The following CLN6 variants were observed in gnomAD, a reference collection of about 807,000 sequenced individuals.
The protein encoded by CLN6 is ceroid-lipofuscinosis neuronal protein 6.
In CLN6, 22 loss-of-function variants were observed where a neutral mutation model predicts 33.3. The observed-to-expected ratio is 0.66, with a 90% confidence interval of 0.47 to 0.94. CLN6 has a LOEUF of 0.94. Ranked by LOEUF, CLN6 falls within the 40% of genes least tolerant of loss-of-function variation. CLN6 has a pLI of 0.00. For synonymous variants in CLN6, 201 were observed against 174.6 expected (o/e 1.15, Z -1.19); for missense variants, 387 against 417.1 (o/e 0.93, Z 0.63).
chr15:68,244,478 T>C (rs1293246789), intron 1 of CLN6, among the ~76,000 whole-genome samples: 4 of 151,796 alleles, frequency 2.6e-5, no homozygotes, highest in African/African-American at 9.7e-5. Flanking sequence ...CCTTTAAATA[T>C]GAAGGAAAGA....
At chr15:68,218,409 C>A in intron 2 of CLN6, 127 bp downstream of exon 2, 1 of 755,770 alleles carries the variant, frequency 1.3e-6, no homozygotes, top group Non-Finnish European at 2.4e-6. Context: ...TGAAGGCATC[C>A]AGGCCTATTC....
chr15:68,243,955 C>T (rs1393844166), intron 1 of CLN6, among the ~76,000 whole-genome samples: 4 of 151,916 alleles, frequency 2.6e-5, no homozygotes, highest in African/African-American at 9.7e-5. Flanking sequence ...GTCCCAGCTA[C>T]TCGGGAGGCT....
chr15:68,256,734 C>G lies in CLN6; in HGVS notation c.135G>C (p.Leu45Phe). ...GTTTTCTCAGCGAAGTCTCACAGGACAATGGCGCCTGCGCCAGTGGCTTGA... is the reference window on the plus strand; with the variant it reads ...GTTTTCTCAGCGAAGTCTCACAGGAGAATGGCGCCTGCGCCAGTGGCTTGA... The change falls in exon 1 of 7, where the codon TTG becomes TTC. Residue 45 changes from leucine (L) to phenylalanine (F), a missense_variant. Coordinates refer to the CLN6 transcript ENST00000538696. This position sits in a 1 kb window ranked among gnomAD's most constrained non-coding sequence, Gnocchi z 4.1. 1.4e-6 allele frequency: 1 copy of G among 699,404 alleles called. No individual in the cohort carries two copies. The highest frequency in any genetic ancestry group is 1.5e-5 in the South Asian group (1 of 67,452). 43.3% of individuals were successfully genotyped at this position (699,404 alleles called of 1,614,324 possible).
At chr15:68,231,247 C>A (rs1166016965), upstream of CLN6, among the ~76,000 whole-genome samples, 1 of 152,172 alleles carries the variant, frequency 6.6e-6, no homozygotes, top group Non-Finnish European at 1.5e-5. Context: ...AGCCCACAGG[C>A]CACACCTCAA....
At position 68,214,281 on chromosome 15, in the gene CLN6, G is replaced by C; in HGVS notation, c.297+9C>G. 6.2e-7 allele frequency: 1 copy of C among 1,603,102 alleles called. No homozygotes were observed. On this transcript the variant is annotated intron_variant, in intron 3 of 6. Coordinates refer to ENST00000249806, the MANE Select transcript of CLN6 (RefSeq NM_017882.3). ...ATGACAGGAGAGAGTGGGGGCCCTG[G>C]GACAGTACCTTGAGCAAGAGAAAGG...
chr15:68,233,743 G>C (rs897258612), upstream of CLN6, among the ~76,000 whole-genome samples: 1 of 152,212 alleles, frequency 6.6e-6, no homozygotes, highest in African/African-American at 2.4e-5. This position sits in a 1 kb window ranked among gnomAD's most constrained non-coding sequence, Gnocchi z 4.3. Flanking sequence ...AGTTACTTTG[G>C]AGAGAGGCAG....
intron 1 of CLN6, among the ~76,000 whole-genome samples, chr15:68,221,096 C>A (rs907480866): frequency 2.0e-5 from 3 of 151,922 alleles, no homozygotes; most frequent in African/African-American, 7.3e-5. Flanking sequence ...AATAATCAAC[C>A]CACATCAGCC....
upstream of CLN6, among the ~76,000 whole-genome samples, chr15:68,233,244 G>A (rs530131714): frequency 6.9e-6 from 1 of 144,096 alleles, no homozygotes; most frequent in African/African-American, 2.5e-5. The surrounding 1 kb of genome is among the most constrained non-coding windows in gnomAD (Gnocchi z 4.3). Context: ...CTGCTTCTTT[G>A]GAAACCTGGG....
chr15:68,223,207 C>T (rs939304021), intron 1 of CLN6, among the ~76,000 whole-genome samples: 2 of 151,854 alleles, frequency 1.3e-5, no homozygotes, highest in Non-Finnish European at 2.9e-5. Flanking sequence ...CCTCAAAGCA[C>T]GGATGGATGA....
chr15:68,254,044 A>AT (rs1228583043), intron 1 of CLN6, among the ~76,000 whole-genome samples: 20 of 151,298 alleles, frequency 1.3e-4, no homozygotes, highest in Non-Finnish European at 2.1e-4. Context: ...CGCCCGGCTA[A>AT]TTTTTTTTGT....
chr15:68,209,932 G>A lies in CLN6; in HGVS notation c.543-173C>T, dbSNP rs554510833. Among the ~76,000 whole-genome samples the A allele has an allele frequency of 6.6e-6, 1 of 152,248 alleles. No individual in the cohort carries two copies. The highest frequency in any genetic ancestry group is 2.4e-5 in the African/African-American group (1 of 41,536). On this transcript the variant is annotated intron_variant, in intron 5 of 6. Coordinates refer to ENST00000249806, the MANE Select transcript of CLN6 (RefSeq NM_017882.3). This position sits in a 1 kb window ranked among gnomAD's most constrained non-coding sequence, Gnocchi z 4.9. ...ACCTTGCCTGTGCTGGGCGTCAAAG[G>A]TGGGACAGAAACAGAAACAGGAAGG...
intron 1 of CLN6, among the ~76,000 whole-genome samples, chr15:68,238,065 G>A (rs1892239319): frequency 6.6e-6 from 1 of 151,860 alleles, no homozygotes; most frequent in South Asian, 2.1e-4. Context: ...AGAGGTTGCA[G>A]TGAGCCAAGA....
At chr15:68,218,065 C>T (rs2093225417) in intron 2 of CLN6, 1 of 168,254 alleles carries the variant, frequency 5.9e-6, no homozygotes, top group African/African-American at 2.4e-5. Context: ...TTAAAAATTA[C>T]CCATGGCTCA....
At position 68,208,845 on chromosome 15, in the gene CLN6, T is replaced by C. The variant is rs1282733291; in HGVS notation, c.666-435A>G. Among the ~76,000 whole-genome samples the C allele has an allele frequency of 6.6e-6, 1 of 152,186 alleles. No homozygotes were observed. The highest frequency in any genetic ancestry group is 1.5e-5 in the Non-Finnish European group (1 of 68,042). ...TCACTGTAGCTGCCACCCATTCTTT[T>C]TAATCCCCAGAGAGCATACAGATGA... On this transcript the variant is annotated intron_variant, in intron 6 of 6. Coordinates refer to ENST00000249806, the MANE Select transcript of CLN6 (RefSeq NM_017882.3). This position sits in a 1 kb window ranked among gnomAD's most constrained non-coding sequence, Gnocchi z 5.8.
At chr15:68,253,540 T>C (rs1406563605) in intron 1 of CLN6, among the ~76,000 whole-genome samples, 1 of 152,234 alleles carries the variant, frequency 6.6e-6, no homozygotes, top group East Asian at 1.9e-4. Flanking sequence ...GCTGTGTTTT[T>C]CACCACTAGC....
chr15:68,209,616 C>T lies in CLN6; in HGVS notation c.665+21G>A, dbSNP rs1350804977. On this transcript the variant is annotated intron_variant, in intron 6 of 6. Coordinates refer to ENST00000249806, the MANE Select transcript of CLN6 (RefSeq NM_017882.3). The surrounding 1 kb of genome is among the most constrained non-coding windows in gnomAD (Gnocchi z 4.9). ...CTCTCTCAGTGCCCCTGCCTCTGCCCCCATGCTGATGTCCACTCACCAGTA... is the reference window on the plus strand; with the variant it reads ...CTCTCTCAGTGCCCCTGCCTCTGCCTCCATGCTGATGTCCACTCACCAGTA... 3 of 1,611,354 alleles carry T rather than the reference C, an allele frequency of 1.9e-6. No individual in the cohort carries two copies. Among genetic ancestry groups the T allele is most frequent in the Non-Finnish European group, 1.7e-6 (2 of 1,179,744 alleles).
Position 68,256,909 on chromosome 15 carries a change from G to C in CLN6, c.-41C>G, listed in dbSNP as rs1283802046. The C allele has an allele frequency of 1.6e-6, 1 of 644,958 alleles. No homozygotes were observed. The highest frequency in any genetic ancestry group is 1.8e-5 in the African/African-American group (1 of 54,690). 40.0% of individuals were successfully genotyped at this position (644,958 alleles called of 1,614,324 possible). ...GGTCCTGGGCGCGGCTCTGGGGAGG[G>C]TCAGGGTGCGCGTCCCACCGCGTCG... On this transcript the variant is annotated 5_prime_UTR_variant, in exon 1 of 7. Coordinates refer to the CLN6 transcript ENST00000538696. This position sits in a 1 kb window ranked among gnomAD's most constrained non-coding sequence, Gnocchi z 4.1.
In CLN6 at chr15:68,207,136, T is replaced by G. The variant is rs1258410887; in HGVS notation, c.*1004A>C. The G allele has an allele frequency of 1.3e-5, 2 of 152,226 alleles. No homozygotes were observed. Among genetic ancestry groups the G allele is most frequent in the Admixed American group, 6.5e-5 (1 of 15,290 alleles). The allele number at this position is 152,226 out of a possible 1,614,324, so 9.4% of individuals were successfully genotyped here. A position where few individuals can be genotyped will look rare whatever the true frequency, so the allele number is the denominator to read the frequency against. On this transcript the variant is annotated 3_prime_UTR_variant, in exon 7 of 7. Transcript: ENST00000249806. ...TGTAGACCCCCCACAGGAAGGGTCC[T>G]AGGTAGGGGGAGGTTCCTCCTCCCT...
At chr15:68,230,126 A>G (rs1313886373), upstream of CLN6, among the ~76,000 whole-genome samples, 1 of 152,146 alleles carries the variant, frequency 6.6e-6, no homozygotes, top group African/African-American at 2.4e-5. This position sits in a 1 kb window ranked among gnomAD's most constrained non-coding sequence, Gnocchi z 4.0. Flanking sequence ...GTGGTGCAGC[A>G]CGTGGGTTGC....
Sources: gnomAD v4.1 joint callset for allele counts (sites outside exome capture counted in the v4.1 genomes callset) on GRCh38, gnomAD v4.1.1 for gene constraint, Gnocchi (gnomAD v3.1) non-coding constraint, MANE v1.5 for transcripts, NCBI Gene and HGNC (gene_info 2026-07-23, HGNC 2026-07-21) for gene names.